Variants in NUDCD3 observed in about 807,000 individuals in gnomAD.
The protein encoded by NUDCD3 is NudC domain containing 3.
A neutral mutation model predicts 39.7 loss-of-function variants in NUDCD3; 13 were observed. The observed-to-expected ratio is 0.33, with a 90% CI of 0.21 to 0.52. The LOEUF is 0.52. Ranked by LOEUF, NUDCD3 falls within the 20% of genes least tolerant of loss-of-function variation. The probability of loss-of-function intolerance (pLI) is 0.96; values close to 1 mark genes in which losing one functional copy is unlikely to be tolerated. For synonymous variants in NUDCD3, 175 were observed against 172.4 expected (o/e 1.02, Z -0.12); for missense variants, 453 against 458.1 (o/e 0.99, Z 0.10).
chr7:44,453,877 C>T (rs868566704), intron 2 of NUDCD3, among the ~76,000 whole-genome samples: 24 of 151,796 alleles, frequency 1.6e-4, no homozygotes, highest in Non-Finnish European at 2.6e-4. Flanking sequence ...GGCCCCATCT[C>T]GACAAAAATA....
chr7:44,466,499 G>A (rs1362054691), intron 2 of NUDCD3, among the ~76,000 whole-genome samples: 1 of 152,208 alleles, frequency 6.6e-6, no homozygotes, highest in African/African-American at 2.4e-5. Flanking sequence ...GAGGCTGCTA[G>A]TCACCACACC....
chr7:44,426,209 T>C, intron 3 of NUDCD3: 1 of 976,058 alleles, frequency 1.0e-6, no homozygotes, highest in Non-Finnish European at 1.2e-6. Context: ...AAAATAAATT[T>C]TGTGTTTGTT....
At chr7:44,427,155 T>C (rs1279634785) in intron 3 of NUDCD3, among the ~76,000 whole-genome samples, 1 of 152,226 alleles carries the variant, frequency 6.6e-6, no homozygotes, top group Non-Finnish European at 1.5e-5. Flanking sequence ...TTAGGGAAAC[T>C]GAAGGCAGAT....
At chr7:44,437,436 G>A (rs926834597) in intron 2 of NUDCD3, among the ~76,000 whole-genome samples, 6 of 152,178 alleles carry the variant, frequency 3.9e-5, no homozygotes, top group South Asian at 2.1e-4. Flanking sequence ...CCAGAAGTTC[G>A]TCTATGTTGA....
intron 2 of NUDCD3, among the ~76,000 whole-genome samples, chr7:44,435,495 A>C (rs928095710): frequency 6.6e-6 from 1 of 152,242 alleles, no homozygotes; most frequent in Non-Finnish European, 1.5e-5. Flanking sequence ...TGAGTTCATA[A>C]AACGAAATCT....
rs1367678592 is a variant in NUDCD3, at chr7:44,468,363, A to AG, written c.509+16604_509+16605insC. The AG allele has an allele frequency of 1.6e-5, 21 of 1,315,316 alleles. No individual in the cohort carries two copies. In the African/African-American group the frequency reaches 3.2e-4, roughly 20 times the overall value. 81.5% of individuals were successfully genotyped at this position (1,315,316 alleles called of 1,614,324 possible). On this transcript the variant is annotated intron_variant, in intron 2 of 5. Transcript: ENST00000355451. ...TGTAAAAACTGCAAAAAAAAAAAAA[A>AG]AAAAAAAGAAAAGAAAACTAAGGCC...
intron 2 of NUDCD3, among the ~76,000 whole-genome samples, chr7:44,443,005 C>T (rs931845558): frequency 2.0e-4 from 30 of 152,142 alleles, no homozygotes; most frequent in Non-Finnish European, 3.7e-4. Context: ...CCTGGCCTCC[C>T]CTTTTCTTTA....
chr7:44,464,529 T>C (rs1053933984), intron 2 of NUDCD3, among the ~76,000 whole-genome samples: 1 of 152,114 alleles, frequency 6.6e-6, no homozygotes, highest in Non-Finnish European at 1.5e-5. Flanking sequence ...TCTCGGCTCA[T>C]TGCAACCTCC....
chr7:44,490,645 C>A lies in NUDCD3; in HGVS notation c.-45G>T. On this transcript the variant is annotated 5_prime_UTR_variant, in exon 1 of 6. Coordinates refer to ENST00000355451, the MANE Select transcript of NUDCD3 (RefSeq NM_015332.4). The stretch of plus-strand genomic sequence containing the variant: ...ACGCTTCACACACACAGCGCCGCCT[C>A]AGACCTGCCGACTGGCCACTTCCGG... The A allele has an allele frequency of 6.5e-7, 1 of 1,535,212 alleles. No homozygotes were observed. The highest frequency in any genetic ancestry group is 1.2e-5 in the South Asian group (1 of 81,648).
intron 2 of NUDCD3, among the ~76,000 whole-genome samples, chr7:44,459,472 G>T (rs1014699294): frequency 6.6e-6 from 1 of 152,198 alleles, no homozygotes; most frequent in South Asian, 2.1e-4. Flanking sequence ...ACAGGAATAA[G>T]CCACCATGCC....
chr7:44,400,579 A>G (rs895638910), intron 4 of NUDCD3, among the ~76,000 whole-genome samples: 3 of 152,218 alleles, frequency 2.0e-5, no homozygotes, highest in South Asian at 2.1e-4. Flanking sequence ...AACAGGGAAC[A>G]ACAGACCAGG....
intron 2 of NUDCD3, among the ~76,000 whole-genome samples, chr7:44,454,924 A>T (rs1799864401): frequency 6.6e-6 from 1 of 150,752 alleles, no homozygotes; most frequent in Non-Finnish European, 1.5e-5. Context: ...ACAGAACAGG[A>T]CCCTGTCTCA....
intron 2 of NUDCD3, among the ~76,000 whole-genome samples, chr7:44,451,692 G>A (rs984645524): frequency 8.5e-5 from 13 of 152,104 alleles, no homozygotes; most frequent in Admixed American, 1.3e-4. Flanking sequence ...CTGTTCATTA[G>A]CTTGATTGTG....
chr7:44,391,314 C>T (rs974769888), intron 5 of NUDCD3, among the ~76,000 whole-genome samples: 4 of 152,270 alleles, frequency 2.6e-5, no homozygotes, highest in Middle Eastern at 3.4e-3. Flanking sequence ...CAGGCTCCTT[C>T]ACCTCATAAG....
At chr7:44,423,139 T>C (rs556078597) in intron 3 of NUDCD3, among the ~76,000 whole-genome samples, 1 of 152,240 alleles carries the variant, frequency 6.6e-6, no homozygotes, top group Admixed American at 6.5e-5. Context: ...ATGGAACATA[T>C]CTCAAAATAA....
At chr7:44,467,300 C>A (rs2116958168) in intron 2 of NUDCD3, among the ~76,000 whole-genome samples, 1 of 152,304 alleles carries the variant, frequency 6.6e-6, no homozygotes, top group East Asian at 1.9e-4. Flanking sequence ...GTAGAATGTG[C>A]CCAGACAGAA....
intron 2 of NUDCD3, chr7:44,468,079 GAGCAA>G: frequency 6.2e-7 from 1 of 1,612,026 alleles, no homozygotes; most frequent in Non-Finnish European, 8.5e-7. Flanking sequence ...TTGGTTATGG[GAGCAA>G]CAAAAAAACA....
intron 2 of NUDCD3, among the ~76,000 whole-genome samples, chr7:44,454,078 G>A (rs1305401731): frequency 2.0e-5 from 3 of 152,004 alleles, no homozygotes; most frequent in East Asian, 1.9e-4. Context: ...GGTGGCTCAC[G>A]CCTGTAATCC....
intron 1 of NUDCD3, among the ~76,000 whole-genome samples, chr7:44,486,104 T>G (rs1158628203): frequency 6.6e-6 from 1 of 152,184 alleles, no homozygotes; most frequent in Non-Finnish European, 1.5e-5. Flanking sequence ...AGGCACATCT[T>G]CCACAGGGAA....
Sources: gnomAD v4.1 joint callset for allele counts (sites outside exome capture counted in the v4.1 genomes callset) on GRCh38, gnomAD v4.1.1 for gene constraint, MANE v1.5 for transcripts, NCBI Gene and HGNC (gene_info 2026-07-23, HGNC 2026-07-21) for gene names.